SAMMSON: variants seen among roughly 807,000 people sequenced by gnomAD.
SAMMSON encodes the protein survival associated mitochondrial melanoma specific oncogenic non-coding RNA.
chr3:70,291,382 C>A (rs1225426575), intron 7 of SAMMSON: 1 of 152,108 alleles, frequency 6.6e-6, no homozygotes, highest in Non-Finnish European at 1.5e-5. Context: ...ATACTGTTAT[C>A]ATTACGATAT....
chr3:70,347,824 C>G (rs1398292195), intron 7 of SAMMSON, among the ~76,000 whole-genome samples: 1 of 152,176 alleles, frequency 6.6e-6, no homozygotes, highest in African/African-American at 2.4e-5. Flanking sequence ...GGGTGGATCA[C>G]TTGAGGCCAG....
intron 7 of SAMMSON, among the ~76,000 whole-genome samples, chr3:70,337,902 A>C (rs1033989846): frequency 1.3e-5 from 2 of 151,830 alleles, no homozygotes; most frequent in East Asian, 1.9e-4. Flanking sequence ...AAATATTTAA[A>C]ATTTAATTTC....
At chr3:70,038,902 A>G (rs2067096137) in intron 3 of SAMMSON, among the ~76,000 whole-genome samples, 2 of 152,146 alleles carry the variant, frequency 1.3e-5, no homozygotes, top group Non-Finnish European at 2.9e-5. Flanking sequence ...GGAGTTGAAT[A>G]AAACTGAACC....
At chr3:70,020,501 C>T (rs1177899794) in intron 3 of SAMMSON, among the ~76,000 whole-genome samples, 1 of 152,122 alleles carries the variant, frequency 6.6e-6, no homozygotes, top group Non-Finnish European at 1.5e-5. Context: ...TCAACAGAAC[C>T]AGGCCTGGCT....
intron 3 of SAMMSON, among the ~76,000 whole-genome samples, chr3:70,045,510 A>G (rs9310181): frequency 0.42 from 63,683 of 150,874 alleles, 13,924 homozygotes; most frequent in East Asian, 0.62. Context: ...CCATTAATAT[A>G]TTTTTTTTTC....
chr3:70,205,444 A>G (rs1701280535), intron 4 of SAMMSON: 1 of 152,172 alleles, frequency 6.6e-6, no homozygotes, highest in African/African-American at 2.4e-5. Flanking sequence ...CACCACATAC[A>G]TAATATATGA....
At chr3:70,261,818 A>C (rs941136268) in intron 6 of SAMMSON, among the ~76,000 whole-genome samples, 2 of 152,190 alleles carry the variant, frequency 1.3e-5, no homozygotes, top group African/African-American at 4.8e-5. Context: ...AACCAAGAAG[A>C]CTAGGATGTG....
chr3:70,084,087 C>T (rs535425071), intron 4 of SAMMSON, among the ~76,000 whole-genome samples: 1 of 152,282 alleles, frequency 6.6e-6, no homozygotes, highest in South Asian at 2.1e-4. Context: ...AATTTTGATT[C>T]CCCATCTCAC....
At chr3:70,051,000 G>A (rs1183470662) in intron 3 of SAMMSON, among the ~76,000 whole-genome samples, 5 of 151,486 alleles carry the variant, frequency 3.3e-5, no homozygotes, top group Admixed American at 3.3e-4. Flanking sequence ...GCCAGGCATG[G>A]TGGCACACAC....
intron 4 of SAMMSON, among the ~76,000 whole-genome samples, chr3:70,218,823 C>G (rs548260264): frequency 6.6e-5 from 10 of 152,230 alleles, no homozygotes; most frequent in Admixed American, 5.2e-4. Flanking sequence ...TGGCGAAAGA[C>G]CTACAGTTTG....
At chr3:70,407,421 G>A (rs1701185360) in intron 2 of SAMMSON, among the ~76,000 whole-genome samples, 2 of 152,154 alleles carry the variant, frequency 1.3e-5, no homozygotes, top group Admixed American at 6.5e-5. Context: ...AAGCAAGCTG[G>A]TTACTTCCTA....
intron 7 of SAMMSON, among the ~76,000 whole-genome samples, chr3:70,327,274 T>G (rs774903437): frequency 2.6e-5 from 4 of 152,130 alleles, no homozygotes; most frequent in Non-Finnish European, 5.9e-5. Flanking sequence ...CATAAACAAC[T>G]TAAAACAAAC....
chr3:70,235,909 C>G lies in SAMMSON; in HGVS notation n.508-13198C>G, dbSNP rs146341498. Reference sequence around the variant, plus strand: ...ATGTTCATATTAGTGGTTCAATGGACGTAAGCTTCCTATGGGCAGTCACCA... The same window carrying G: ...ATGTTCATATTAGTGGTTCAATGGAGGTAAGCTTCCTATGGGCAGTCACCA... On this transcript the variant is annotated intron_variant and non_coding_transcript_variant, in intron 4 of 9. Transcript: ENST00000642114. Among the ~76,000 whole-genome samples, 174 of 152,252 alleles carry G rather than the reference C, an allele frequency of 1.1e-3. 2 individuals are homozygous for G. In the East Asian group the frequency reaches 0.031, roughly 27 times the overall value.
intron 2 of SAMMSON, among the ~76,000 whole-genome samples, chr3:70,404,932 A>C (rs1312501123): frequency 1.3e-5 from 2 of 152,200 alleles, no homozygotes; most frequent in Non-Finnish European, 2.9e-5. Flanking sequence ...GCAAAGTGTC[A>C]TATTGAGTCT....
intron 3 of SAMMSON, among the ~76,000 whole-genome samples, chr3:70,066,854 A>C (rs2067211847): frequency 6.6e-6 from 1 of 152,110 alleles, no homozygotes; most frequent in East Asian, 1.9e-4. Flanking sequence ...ATAAAAGTAC[A>C]TCTGAAAATC....
chr3:70,103,858 G>T (rs1189718264), intron 4 of SAMMSON, among the ~76,000 whole-genome samples: 1 of 152,152 alleles, frequency 6.6e-6, no homozygotes, highest in Non-Finnish European at 1.5e-5. Flanking sequence ...TTATTAAATT[G>T]TGATAGTTAC....
At chr3:70,416,958 G>GA (rs566410090) in intron 2 of SAMMSON, among the ~76,000 whole-genome samples, 3 of 152,124 alleles carry the variant, frequency 2.0e-5, no homozygotes, top group Admixed American at 1.3e-4. Flanking sequence ...CAGGAATAGA[G>GA]AAAAACATCT....
chr3:70,282,280 A>G (rs573205933), intron 6 of SAMMSON, among the ~76,000 whole-genome samples: 4 of 152,258 alleles, frequency 2.6e-5, no homozygotes, highest in South Asian at 2.1e-4. Flanking sequence ...CTGGTGTTTC[A>G]GTAACAGACA....
intron 4 of SAMMSON, among the ~76,000 whole-genome samples, chr3:70,238,081 G>C (rs1430549564): frequency 1.5e-5 from 2 of 132,546 alleles, no homozygotes; most frequent in Non-Finnish European, 3.1e-5. Flanking sequence ...ACCTTGAGTG[G>C]AAATGGCTTG....
Sources: gnomAD v4.1 joint callset for allele counts (sites outside exome capture counted in the v4.1 genomes callset) on GRCh38, gnomAD v4.1.1 for gene constraint, MANE v1.5 for transcripts, NCBI Gene and HGNC (gene_info 2026-07-23, HGNC 2026-07-21) for gene names.